The following RNF152 variants were observed in gnomAD, a reference collection of about 807,000 sequenced individuals.
The protein encoded by RNF152 is E3 ubiquitin-protein ligase RNF152.
RNF152 carries 11 observed loss-of-function variants against 12.7 expected under a neutral mutation model. The observed-to-expected ratio is 0.86, with a 90% CI of 0.54 to 1.43. The LOEUF (loss-of-function observed/expected upper bound fraction) is 1.43, where lower values mean the gene tolerates loss of function less well. Ranked by LOEUF, RNF152 falls within the 40% of genes most tolerant of loss-of-function variation. The probability of loss-of-function intolerance (pLI) is 0.00; values close to 1 mark genes in which losing one functional copy is unlikely to be tolerated. For missense variants in RNF152, 255 were observed against 274.8 expected, an observed-to-expected ratio of 0.93 and a Z score of 0.51; for synonymous variants, 113 against 120.3, an observed-to-expected ratio of 0.94 and a Z score of 0.40.
rs1908886985 is a variant in RNF152 at position 61,813,105 on chromosome 18, A to C, written c.*2747T>G. On this transcript the variant is annotated 3_prime_UTR_variant, in exon 2 of 2. Transcript: ENST00000312828. ...ACTTTTCATTAATGTGCAAGTATGAATCCTGGCCTCTTGTGTCAGTGGACT... is the reference window on the plus strand; with the variant it reads ...ACTTTTCATTAATGTGCAAGTATGACTCCTGGCCTCTTGTGTCAGTGGACT... 1 of 152,158 alleles carries C rather than the reference A, an allele frequency of 6.6e-6. No homozygotes were observed. Among genetic ancestry groups the C allele is most frequent in the Non-Finnish European group, 1.5e-5 (1 of 68,024 alleles). 9.4% of individuals were successfully genotyped at this position (152,158 alleles called of 1,614,324 possible).
At chr18:61,888,025 C>G (rs1912775150) in intron 1 of RNF152, 1 of 152,192 alleles carries the variant, frequency 6.6e-6, no homozygotes, top group Non-Finnish European at 1.5e-5. Context: ...GGCAGGTAAC[C>G]AGGAAGTCTA....
chr18:61,888,054 T>C (rs1912776620), intron 1 of RNF152: 1 of 152,216 alleles, frequency 6.6e-6, no homozygotes, highest in South Asian at 2.1e-4. Flanking sequence ...TTGAGTAAGT[T>C]TCATCATGCA....
chr18:61,875,852 C>T (rs1912191834), intron 1 of RNF152, among the ~76,000 whole-genome samples: 1 of 152,104 alleles, frequency 6.6e-6, no homozygotes, highest in South Asian at 2.1e-4. Flanking sequence ...CCTCCCCCAC[C>T]CACCTCCATG....
chr18:61,869,758 C>T (rs910746974), intron 1 of RNF152, among the ~76,000 whole-genome samples: 7 of 152,276 alleles, frequency 4.6e-5, no homozygotes, highest in Admixed American at 1.3e-4. Flanking sequence ...CACACACGCA[C>T]GCACACACAT....
At chr18:61,841,829 G>A (rs1910467921) in intron 1 of RNF152, among the ~76,000 whole-genome samples, 1 of 152,182 alleles carries the variant, frequency 6.6e-6, no homozygotes, top group South Asian at 2.1e-4. Flanking sequence ...TGTAGAACAT[G>A]GGTCAATACA....
intron 1 of RNF152, among the ~76,000 whole-genome samples, chr18:61,883,154 G>T (rs150439691): frequency 6.6e-6 from 1 of 152,116 alleles, no homozygotes; most frequent in Non-Finnish European, 1.5e-5. Flanking sequence ...CCCTCAACCT[G>T]TCCTGGAATG....
At chr18:61,884,166 C>T (rs763500121) in intron 1 of RNF152, among the ~76,000 whole-genome samples, 12 of 152,188 alleles carry the variant, frequency 7.9e-5, no homozygotes, top group Non-Finnish European at 1.8e-4. Context: ...ACACTAAGCA[C>T]TTTATATGTA....
intron 1 of RNF152, among the ~76,000 whole-genome samples, chr18:61,882,281 G>C (rs959435809): frequency 6.6e-6 from 1 of 152,230 alleles, no homozygotes; most frequent in East Asian, 1.9e-4. Context: ...ATTTAGCACT[G>C]TGTGTGTAAA....
At chr18:61,823,537 G>A (rs1184014212) in intron 1 of RNF152, among the ~76,000 whole-genome samples, 1 of 152,208 alleles carries the variant, frequency 6.6e-6, no homozygotes, top group Non-Finnish European at 1.5e-5. Context: ...GACTTCAACT[G>A]ATCTGCCCGT....
At chr18:61,840,615 G>A (rs569206589) in intron 1 of RNF152, among the ~76,000 whole-genome samples, 1 of 152,128 alleles carries the variant, frequency 6.6e-6, no homozygotes, top group African/African-American at 2.4e-5. Context: ...CAGGGAGCCT[G>A]AGAACTAGTC....
At chr18:61,879,103 C>A (rs1912341586) in intron 1 of RNF152, among the ~76,000 whole-genome samples, 1 of 152,188 alleles carries the variant, frequency 6.6e-6, no homozygotes, top group Non-Finnish European at 1.5e-5. Context: ...CCCTCCATAT[C>A]TGGGTCGCAT....
chr18:61,816,401 G>T lies in RNF152; in HGVS notation c.63C>A (p.Pro21=). The T allele has an allele frequency of 1.2e-6, 2 of 1,613,986 alleles. No individual in the cohort carries two copies. The highest frequency in any genetic ancestry group is 2.2e-5 in the South Asian group (2 of 91,070). Residue 21 remains proline (P), a synonymous_variant, in exon 2 of 2, where the codon CCC becomes CCA. Transcript: ENST00000312828. Reference sequence around the variant, plus strand: ...AGTCCAGCAACTTGGGCCTGCGCCGGGGGCTGTAGTAATTGAAACAGATCT... The same window carrying T: ...AGTCCAGCAACTTGGGCCTGCGCCGTGGGCTGTAGTAATTGAAACAGATCT... ...ECQICFNYYS[P]RRRPKLLDCK...
At chr18:61,874,538 T>G (rs1269426418) in intron 1 of RNF152, among the ~76,000 whole-genome samples, 3 of 152,196 alleles carry the variant, frequency 2.0e-5, no homozygotes. Context: ...GTAAGAGACA[T>G]AACAGTTCTC....
At chr18:61,827,082 G>A (rs563168348) in intron 1 of RNF152, among the ~76,000 whole-genome samples, 7 of 152,198 alleles carry the variant, frequency 4.6e-5, no homozygotes, top group South Asian at 2.1e-4. Flanking sequence ...TGATAGCTCC[G>A]GATTAAAGGT....
intron 1 of RNF152, among the ~76,000 whole-genome samples, chr18:61,886,057 G>T (rs1362604802): frequency 2.4e-5 from 3 of 122,950 alleles, no homozygotes; most frequent in Non-Finnish European, 4.9e-5. Context: ...AACAGGCTTT[G>T]AGTAACAACT....
At chr18:61,855,721 G>A (rs1461342853) in intron 1 of RNF152, among the ~76,000 whole-genome samples, 6 of 152,176 alleles carry the variant, frequency 3.9e-5, no homozygotes, top group Admixed American at 3.3e-4. Context: ...CGTCTGGCTC[G>A]CCCTTGGCAG....
chr18:61,835,142 C>T (rs547251022), intron 1 of RNF152, among the ~76,000 whole-genome samples: 25 of 152,226 alleles, frequency 1.6e-4, no homozygotes, highest in Non-Finnish European at 3.2e-4. Flanking sequence ...TATGATTTAA[C>T]TTTTGACCCA....
chr18:61,888,157 C>G (rs1040491792), intron 1 of RNF152: 2 of 152,256 alleles, frequency 1.3e-5, no homozygotes, highest in Admixed American at 6.5e-5. Flanking sequence ...ACAAGCAGCC[C>G]CCTCACAACT....
intron 1 of RNF152, among the ~76,000 whole-genome samples, chr18:61,831,535 G>A (rs767394914): frequency 1.3e-5 from 2 of 152,062 alleles, no homozygotes; most frequent in Admixed American, 1.3e-4. Context: ...TTTCTAAGGA[G>A]CCAGGAACTG....
Sources: gnomAD v4.1 joint callset for allele counts (sites outside exome capture counted in the v4.1 genomes callset) on GRCh38, gnomAD v4.1.1 for gene constraint, MANE v1.5 for transcripts, NCBI Gene and HGNC (gene_info 2026-07-23, HGNC 2026-07-21) for gene names.